UBXN2B: variants seen among roughly 807,000 people sequenced by gnomAD.
UBXN2B encodes the protein UBX domain protein 2B, also known as UBX domain-containing protein 2B.
A neutral mutation model predicts 37.5 loss-of-function variants in UBXN2B; 19 were observed. The ratio of observed to expected loss-of-function variants is 0.51; its 90% CI spans 0.35 to 0.74. The LOEUF is 0.74. UBXN2B is among the 30% of genes least tolerant of loss of function. The pLI is 0.01. For missense variants in UBXN2B, 370 were observed against 393.2 expected, an observed-to-expected ratio of 0.94 and a Z score of 0.50; for synonymous variants, 145 against 143.8, an observed-to-expected ratio of 1.01 and a Z score of -0.06.
chr8:58,427,536 G>A (rs183484762), intron 2 of UBXN2B, among the ~76,000 whole-genome samples: 3 of 152,200 alleles, frequency 2.0e-5, no homozygotes, highest in Non-Finnish European at 4.4e-5. Context: ...ATTAATGCAG[G>A]ATATTTTAAA....
intron 2 of UBXN2B, among the ~76,000 whole-genome samples, chr8:58,429,404 C>A (rs572385027): frequency 2.6e-5 from 4 of 152,174 alleles, no homozygotes; most frequent in Admixed American, 6.5e-5. Flanking sequence ...TGAGTGTAAG[C>A]TTGGGACAAG....
intron 2 of UBXN2B, among the ~76,000 whole-genome samples, chr8:58,420,376 C>T (rs1807894144): frequency 1.3e-5 from 2 of 152,034 alleles, no homozygotes; most frequent in South Asian, 2.1e-4. Context: ...AAATAGACTA[C>T]ATAATGTAAG....
At chr8:58,431,671 A>G (rs1483213621) in intron 3 of UBXN2B, among the ~76,000 whole-genome samples, 1 of 152,206 alleles carries the variant, frequency 6.6e-6, no homozygotes, top group Non-Finnish European at 1.5e-5. Context: ...GTGCCATTTT[A>G]TATTCCCACA....
intron 1 of UBXN2B, chr8:58,413,367 A>C (rs1242647500): frequency 2.0e-5 from 3 of 152,252 alleles, no homozygotes; most frequent in Non-Finnish European, 4.4e-5. Flanking sequence ...ATATCAAGAA[A>C]TAAAGTATGT....
chr8:58,411,404 C>G lies in UBXN2B; in HGVS notation c.19C>G (p.Pro7Ala). 7.9e-7 allele frequency: 1 copy of G among 1,269,412 alleles called. No homozygotes were observed. Among genetic ancestry groups the G allele is most frequent in the Non-Finnish European group, 1.0e-6 (1 of 1,002,682 alleles). 78.6% of individuals were successfully genotyped at this position (1,269,412 alleles called of 1,614,324 possible). The change falls in exon 1 of 8, where the codon CCT (proline) becomes GCT (alanine). Residue 7 changes from proline to alanine, a missense_variant. Physicochemically the swap from Pro to Ala is conservative, Grantham distance 27. Around this residue, in one of 3 missense-constraint regions of UBXN2B, gnomAD observed 197 missense variants for 170.2 expected, o/e 1.16. Transcript: ENST00000399598. MAEGGG[P>A]EPGEQERRSS... The stretch of plus-strand genomic sequence containing the variant: ...GCGGAAGATGGCGGAGGGCGGAGGC[C>G]CTGAGCCCGGCGAGCAGGAGAGGAG...
chr8:58,414,697 A>G (rs756391513), intron 1 of UBXN2B, among the ~76,000 whole-genome samples: 22 of 152,080 alleles, frequency 1.4e-4, no homozygotes, highest in Non-Finnish European at 2.6e-4. Context: ...AACTCATGCC[A>G]TATGATGCCA....
intron 6 of UBXN2B, among the ~76,000 whole-genome samples, chr8:58,445,705 G>A (rs908423028): frequency 7.9e-5 from 12 of 152,112 alleles, no homozygotes; most frequent in Admixed American, 7.9e-4. Flanking sequence ...GTTAAATGAG[G>A]AAAGGATGCA....
Position 58,445,951 on chromosome 8 carries a change from A to T in UBXN2B, c.716A>T (p.Glu239Val). ...IVSTPSSPEE[E>V]DKSILNAVVL... ...AGTACACCTTCCTCTCCAGAAGAGG[A>T]GGATAAATCAATACTTAATGCAGTT... is the stretch of plus-strand genomic sequence containing the variant. The change falls in exon 7 of 8, where the codon GAG (glutamate) becomes GTG (valine). Residue 239 changes from glutamate to valine, a missense_variant. Physicochemically the swap from Glu to Val is moderately radical, Grantham distance 121 (BLOSUM62 -2). Around this residue, in one of 3 missense-constraint regions of UBXN2B, gnomAD observed 90 missense variants for 139.4 expected, o/e 0.65. Transcript: ENST00000399598. The T allele has an allele frequency of 6.2e-7, 1 of 1,611,998 alleles. No homozygotes were observed. Among genetic ancestry groups the T allele is most frequent in the South Asian group, 1.1e-5 (1 of 90,754 alleles).
chr8:58,439,579 G>A (rs1426133962), intron 5 of UBXN2B, 54 bp from the exon 6 acceptor site: 9 of 1,567,386 alleles, frequency 5.7e-6, no homozygotes, highest in Non-Finnish European at 6.9e-6. Context: ...TCTCAACAGT[G>A]TAGTTTAATT....
intron 2 of UBXN2B, among the ~76,000 whole-genome samples, chr8:58,422,501 A>G (rs751247486): frequency 2.6e-5 from 4 of 152,274 alleles, no homozygotes; most frequent in Non-Finnish European, 5.9e-5. Flanking sequence ...GATTCAACAT[A>G]TAAGGCGAAG....
chr8:58,440,229 GA>G (rs1808508665), intron 6 of UBXN2B, among the ~76,000 whole-genome samples: 1 of 152,196 alleles, frequency 6.6e-6, no homozygotes, highest in Admixed American at 6.5e-5. Context: ...GGTTTCAAAG[GA>G]GAGAATTGTA....
At chr8:58,427,102 A>G (rs567558072) in intron 2 of UBXN2B, among the ~76,000 whole-genome samples, 46 of 152,368 alleles carry the variant, frequency 3.0e-4, no homozygotes, top group African/African-American at 1.1e-3. Flanking sequence ...ATGAGGATGG[A>G]GAGAACAGGA....
In UBXN2B at chr8:58,439,648, G is replaced by C. The variant is rs753364867; in HGVS notation, c.549G>C (p.Glu183Asp). 1.2e-6 allele frequency: 2 copies of C among 1,601,190 alleles called. No homozygotes were observed. The highest frequency in any genetic ancestry group is 3.5e-5 in the Admixed American group (2 of 57,028). ...ESVKRGEIPLELQRLVHGGQV... is the reference protein window; with the variant it reads ...ESVKRGEIPLDLQRLVHGGQV... ...TTTTTAAAAGAGAGATTCCCCTGGA[G>C]CTTCAGCGCCTTGTTCATGGTGGCC... The change falls in exon 6 of 8, where the codon GAG becomes GAC. Residue 183 changes from glutamate (E) to aspartate (D), a missense_variant. Transcript: ENST00000399598.
chr8:58,422,314 G>A (rs772383946), intron 2 of UBXN2B, among the ~76,000 whole-genome samples: 2 of 152,224 alleles, frequency 1.3e-5, no homozygotes, highest in Non-Finnish European at 2.9e-5. Flanking sequence ...AGGGTCTTAA[G>A]AGACTGAGAG....
chr8:58,447,513 G>A lies in UBXN2B; in HGVS notation c.958G>A (p.Asp320Asn), dbSNP rs749872201. The stretch of plus-strand genomic sequence containing the variant: ...TGAAAGCCTGACACTGCTAGAAGCA[G>A]ATATTCTTAACACTGTGTTACTCCA... ...TDESLTLLEA[D>N]ILNTVLLQQL... is the part of the protein sequence containing the mutation. The change falls in exon 8 of 8, where the codon GAT becomes AAT. Residue 320 changes from aspartate (D) to asparagine (N), a missense_variant. By Grantham distance (23) the Asp-to-Asn change is conservative (BLOSUM62 1). Transcript: ENST00000399598. 2.5e-6 allele frequency: 4 copies of A among 1,613,048 alleles called. No homozygotes were observed. In the South Asian group the frequency reaches 3.3e-5, roughly 13 times the overall value.
chr8:58,434,338 T>C (rs1001055990), intron 4 of UBXN2B, 57 bp from the exon 5 acceptor site: 3 of 503,868 alleles, frequency 6.0e-6, no homozygotes, highest in East Asian at 5.0e-5. Context: ...TATATTCTTA[T>C]GTATATGTGA....
intron 2 of UBXN2B, chr8:58,425,476 T>C (rs767544864): frequency 2.2e-5 from 25 of 1,116,964 alleles, no homozygotes; most frequent in Non-Finnish European, 2.9e-5. Flanking sequence ...TGAAACAGGC[T>C]CGTTGGGATC....
intron 2 of UBXN2B, among the ~76,000 whole-genome samples, chr8:58,423,872 G>A (rs1263994765): frequency 6.6e-6 from 1 of 151,708 alleles, no homozygotes; most frequent in African/African-American, 2.4e-5. Flanking sequence ...AAGAAAATAT[G>A]GCAAACGTTT....
In UBXN2B at chr8:58,426,553, CAA is replaced by C; in HGVS notation, c.189-3962_189-3961del. 4.0e-6 allele frequency: 3 copies of C among 750,730 alleles called. No homozygotes were observed. In the Admixed American group the frequency reaches 5.2e-5, roughly 13 times the overall value. 46.5% of individuals were successfully genotyped at this position (750,730 alleles called of 1,614,324 possible). A position where few individuals can be genotyped will look rare whatever the true frequency, so the allele number is the denominator to read the frequency against. On this transcript the variant is annotated intron_variant, in intron 2 of 7. Coordinates refer to ENST00000399598, the MANE Select transcript of UBXN2B (RefSeq NM_001077619.2). ...TGGGTGACAGCTCCATTTCTTCTAA[CAA>C]AAAGTGTGAAGTCTCCAGGGTTACT...
Sources: gnomAD v4.1 joint callset for allele counts (sites outside exome capture counted in the v4.1 genomes callset) on GRCh38, gnomAD v4.1.1 for gene constraint, gnomAD v4.1.1 regional missense constraint, MANE v1.5 for transcripts, NCBI Gene and HGNC (gene_info 2026-07-23, HGNC 2026-07-21) for gene names.